TUSC3: variants seen among roughly 807,000 people sequenced by gnomAD.
TUSC3 encodes the protein tumor suppressor candidate 3, also known as dolichyl-diphosphooligosaccharide--protein glycosyltransferase subunit TUSC3.
TUSC3 carries 45 observed loss-of-function variants against 44.8 expected under a neutral mutation model. That is an observed-to-expected ratio of 1.00 (90% CI 0.79 to 1.29). The LOEUF (loss-of-function observed/expected upper bound fraction) is 1.29. Ranked by LOEUF, TUSC3 falls within the 50% of genes most tolerant of loss-of-function variation. The pLI is 0.00. For missense variants in TUSC3, 519 were observed against 437.9 expected, an observed-to-expected ratio of 1.19 and a Z score of -1.65; for synonymous variants, 212 against 152.9, an observed-to-expected ratio of 1.39 and a Z score of -2.85.
chr8:15,775,657 CAT>C, the TUSC3 span, among the ~76,000 whole-genome samples: 2 of 147,504 alleles, frequency 1.4e-5, no homozygotes, highest in African/African-American at 2.5e-5. Context: ...TATACACACA[CAT>C]ATACATATAT....
intron 7 of TUSC3, among the ~76,000 whole-genome samples, chr8:15,735,198 G>T (rs1213501212): frequency 6.6e-6 from 1 of 152,142 alleles, no homozygotes; most frequent in South Asian, 2.1e-4. Flanking sequence ...GTCGCTGGCA[G>T]TCGTTCTGGC....
At chr8:15,785,742 C>T in the TUSC3 span, among the ~76,000 whole-genome samples, 1 of 151,956 alleles carries the variant, frequency 6.6e-6, no homozygotes, top group Non-Finnish European at 1.5e-5. Context: ...ATCTAGAACG[C>T]CTGGTAGTAC....
intron 4 of TUSC3, 57 bp from the exon 5 acceptor site, chr8:15,662,099 T>C: frequency 6.3e-7 from 1 of 1,598,756 alleles, no homozygotes; most frequent in Admixed American, 1.7e-5. Flanking sequence ...TAGAATATGA[T>C]CAAAAGAAAA....
At chr8:15,767,693 G>C (rs1446064472), downstream of TUSC3, among the ~76,000 whole-genome samples, 1 of 152,078 alleles carries the variant, frequency 6.6e-6, no homozygotes, top group East Asian at 1.9e-4. Context: ...CTTAAGAAAT[G>C]GTGTTTGCTT....
intron 2 of TUSC3, among the ~76,000 whole-genome samples, chr8:15,498,560 T>C (rs1057397171): frequency 1.3e-5 from 2 of 152,216 alleles, no homozygotes; most frequent in African/African-American, 4.8e-5. Context: ...TACATGGTTT[T>C]GTCTATTTCT....
At chr8:15,437,644 A>G (rs1196838717) in intron 1 of TUSC3, among the ~76,000 whole-genome samples, 2 of 152,240 alleles carry the variant, frequency 1.3e-5, no homozygotes, top group Admixed American at 6.5e-5. Flanking sequence ...ATAAAAAGGT[A>G]TATGTATAAC....
the TUSC3 span, among the ~76,000 whole-genome samples, chr8:15,790,179 C>CTTTTTT: frequency 2.0e-3 from 147 of 72,198 alleles, 2 homozygotes; most frequent in East Asian, 2.8e-3. Flanking sequence ...TTGTTAAGGC[C>CTTTTTT]TTTTTTTTTT....
intron 6 of TUSC3, among the ~76,000 whole-genome samples, chr8:15,693,304 T>G: frequency 6.6e-6 from 1 of 152,262 alleles, no homozygotes; most frequent in East Asian, 1.9e-4. Flanking sequence ...AGTCTTTTCT[T>G]TCCACATTTA....
intron 6 of TUSC3, among the ~76,000 whole-genome samples, chr8:15,712,910 C>T (rs1809914481): frequency 6.6e-6 from 1 of 152,132 alleles, no homozygotes; most frequent in Non-Finnish European, 1.5e-5. Context: ...ACAGTTCAGT[C>T]TGGCTCCTTT....
intron 1 of TUSC3, among the ~76,000 whole-genome samples, chr8:15,547,643 A>C (rs1585089389): frequency 7.0e-6 from 1 of 143,514 alleles, no homozygotes; most frequent in Non-Finnish European, 1.6e-5. Flanking sequence ...TTGAAATCCT[A>C]ACTTTGAGTG....
chr8:15,650,859 G>T (rs759675293), intron 3 of TUSC3, 45 bp downstream of exon 3: 19 of 1,574,570 alleles, frequency 1.2e-5, no homozygotes, highest in Non-Finnish European at 1.6e-5. Flanking sequence ...AGTTGTTTGT[G>T]GTCGATACAT....
At chr8:15,660,822 T>C (rs1314323867) in intron 4 of TUSC3, among the ~76,000 whole-genome samples, 4 of 150,266 alleles carry the variant, frequency 2.7e-5, no homozygotes, top group Non-Finnish European at 3.0e-5. Context: ...TGTTTCCTTA[T>C]AAGAAATACT....
At chr8:15,426,685 A>G (rs1799808437) in intron 1 of TUSC3, among the ~76,000 whole-genome samples, 1 of 152,226 alleles carries the variant, frequency 6.6e-6, no homozygotes. Flanking sequence ...TGAATGTTGT[A>G]ATGAACATGG....
rs1029127599 is a variant in TUSC3, at chr8:15,533,021, G to A, written n.189+49538G>A. Among the ~76,000 whole-genome samples, 5 of 152,316 alleles carry A rather than the reference G, an allele frequency of 3.3e-5. No homozygotes were observed. In the South Asian group the frequency reaches 1.0e-3, roughly 32 times the overall value. ...CTGCCCAGGCTGGTCTTGAACTCCT[G>A]ACCTTGGTGTTCCCCTGCCTTGGCC... is the stretch of plus-strand genomic sequence containing the variant. On this transcript the variant is annotated intron_variant and non_coding_transcript_variant, in intron 2 of 5. Transcript: ENST00000503191.
intron 6 of TUSC3, among the ~76,000 whole-genome samples, chr8:15,712,301 A>G (rs966486518): frequency 1.3e-5 from 2 of 151,894 alleles, no homozygotes; most frequent in Non-Finnish European, 1.5e-5. Context: ...TCTTTTAGCA[A>G]ACTATCTTTG....
At chr8:15,653,772 G>A (rs1256037790) in intron 3 of TUSC3, among the ~76,000 whole-genome samples, 1 of 152,142 alleles carries the variant, frequency 6.6e-6, no homozygotes, top group East Asian at 1.9e-4. Flanking sequence ...GGTTTTTAAT[G>A]CTTATTTTTT....
At chr8:15,733,351 G>GTTT (rs35411856) in intron 7 of TUSC3, 269 of 352,804 alleles carry the variant, frequency 7.6e-4, no homozygotes, top group East Asian at 3.9e-3. Context: ...GCTTCTTTTT[G>GTTT]TTTTTTTTTT....
At chr8:15,843,624 ACG>A in the TUSC3 span, among the ~76,000 whole-genome samples, 6 of 149,276 alleles carry the variant, frequency 4.0e-5, no homozygotes, top group African/African-American at 1.3e-4. Flanking sequence ...ATATATATAC[ACG>A]CACATACACA....
intron 9 of TUSC3, among the ~76,000 whole-genome samples, chr8:15,754,434 A>G (rs373319802): frequency 6.6e-6 from 1 of 152,102 alleles, no homozygotes; most frequent in East Asian, 1.9e-4. Flanking sequence ...TGTTGCAGAG[A>G]TCAACTGCTA....
Sources: allele counts gnomAD v4.1 joint callset (sites outside exome capture counted in the v4.1 genomes callset), GRCh38; gene constraint gnomAD v4.1.1; transcripts MANE v1.5; gene names NCBI Gene and HGNC (gene_info 2026-07-23, HGNC 2026-07-21).